The following VAV2 variants were observed in gnomAD, a reference collection of about 807,000 sequenced individuals.
The protein encoded by VAV2 is guanine nucleotide exchange factor VAV2.
Under a neutral mutation model 132.5 loss-of-function variants are expected in VAV2, and 67 were observed. The ratio of observed to expected loss-of-function variants is 0.51; its 90% CI spans 0.42 to 0.62. The LOEUF is 0.62. Ranked by LOEUF, VAV2 falls within the 20% of genes least tolerant of loss-of-function variation. The probability of loss-of-function intolerance (pLI) is 0.00; values close to 1 mark genes in which losing one functional copy is unlikely to be tolerated. For synonymous variants in VAV2, 492 were observed against 443.5 expected (o/e 1.11, Z -1.37); for missense variants, 938 against 1,153.6 (o/e 0.81, Z 2.71).
intron 3 of VAV2, 145 bp downstream of exon 3, chr9:133,861,229 G>C: frequency 6.5e-6 from 5 of 770,958 alleles, no homozygotes; most frequent in East Asian, 3.6e-5. Flanking sequence ...AGCCGCCAAC[G>C]GGTTACGCGA....
At chr9:133,780,190 C>T (rs1833959948) in intron 20 of VAV2, among the ~76,000 whole-genome samples, 1 of 152,244 alleles carries the variant, frequency 6.6e-6, no homozygotes, top group South Asian at 2.1e-4. Context: ...CGGGCCCCCA[C>T]CTCCTCCAGG....
chr9:133,830,865 T>TA (rs1328351410), intron 4 of VAV2, among the ~76,000 whole-genome samples: 1 of 151,928 alleles, frequency 6.6e-6, no homozygotes, highest in African/African-American at 2.4e-5. Context: ...AAAAACAACA[T>TA]AAAAAATTTA....
At chr9:133,933,229 G>A (rs1177517026) in intron 2 of VAV2, among the ~76,000 whole-genome samples, 3 of 152,232 alleles carry the variant, frequency 2.0e-5, no homozygotes, top group African/African-American at 7.2e-5. Context: ...AGGCCTCGGG[G>A]CCAAAGCTCC....
At chr9:133,971,405 G>A (rs568495700) in intron 1 of VAV2, among the ~76,000 whole-genome samples, 2 of 152,132 alleles carry the variant, frequency 1.3e-5, no homozygotes, top group Non-Finnish European at 2.9e-5. Context: ...CATGTTCTAC[G>A]CCAATGACTC....
At position 133,788,248 on chromosome 9, in the gene VAV2, T is replaced by A. The variant is rs1422873368; in HGVS notation, c.1407+106A>T. 14 of 473,416 alleles carry A rather than the reference T, an allele frequency of 3.0e-5. No individual in the cohort carries two copies. The highest frequency in any genetic ancestry group is 5.3e-5 in the Non-Finnish European group (13 of 244,098). 29.3% of individuals were successfully genotyped at this position (473,416 alleles called of 1,614,324 possible). The stretch of plus-strand genomic sequence containing the variant: ...CCCACCCCAACCCACCCGGCCAGCA[T>A]CAGCGGCTGACTTCGAGTCCCCTTC... On this transcript the variant is annotated intron_variant, in intron 15 of 29. Coordinates refer to ENST00000371850, the MANE Select transcript of VAV2 (RefSeq NM_001134398.2). This position sits in a 1 kb window ranked among gnomAD's most constrained non-coding sequence, Gnocchi z 5.3.
chr9:133,835,814 C>T (rs563920710), intron 3 of VAV2, among the ~76,000 whole-genome samples: 10 of 152,216 alleles, frequency 6.6e-5, no homozygotes, highest in Non-Finnish European at 1.0e-4. Context: ...AAACCTGGGT[C>T]CTACCTGGCT....
rs533602015 is a variant in VAV2 at position 133,802,649 on chromosome 9, T to C, written c.836+3432A>G. On this transcript the variant is annotated intron_variant, in intron 9 of 29. Coordinates refer to ENST00000371850, the MANE Select transcript of VAV2 (RefSeq NM_001134398.2). The surrounding 1 kb of genome is among the most constrained non-coding windows in gnomAD (Gnocchi z 5.8). ...CGTGGGTATTTGTGTGAGGATCATG[T>C]TTTTTAACTTTCTGAGTACGTCAAA... 2.0e-4 allele frequency among the ~76,000 whole-genome samples: 31 copies of C among 152,144 alleles called. No homozygotes were observed. The highest frequency in any genetic ancestry group is 4.0e-4 in the Non-Finnish European group (27 of 68,026).
chr9:133,790,846 G>A (rs539012575), intron 13 of VAV2, among the ~76,000 whole-genome samples: 1 of 152,244 alleles, frequency 6.6e-6, no homozygotes, highest in African/African-American at 2.4e-5. Context: ...CTGGCCATCG[G>A]GGACCTTCCC....
At position 133,813,347 on chromosome 9, in the gene VAV2, G is replaced by A. The variant is rs1307498339; in HGVS notation, c.450-1131C>T. 5.9e-5 allele frequency among the ~76,000 whole-genome samples: 9 copies of A among 152,358 alleles called. No homozygotes were observed. The South Asian group carries it at 1.2e-3, about 21-fold the overall frequency. On this transcript the variant is annotated intron_variant, in intron 4 of 29. Coordinates refer to ENST00000371850, the MANE Select transcript of VAV2 (RefSeq NM_001134398.2). ...GGCAGGGACAGAAGCCGGGGCAGGA[G>A]CAATCCCTGCGGTACTCAGGAACGG...
intron 2 of VAV2, among the ~76,000 whole-genome samples, chr9:133,897,012 T>C (rs914488229): frequency 4.6e-5 from 7 of 151,980 alleles, no homozygotes; most frequent in Non-Finnish European, 1.0e-4. Context: ...GAGAATGGTG[T>C]GAACCCGGGA....
At chr9:133,906,034 G>A (rs1277827633) in intron 2 of VAV2, among the ~76,000 whole-genome samples, 1 of 152,084 alleles carries the variant, frequency 6.6e-6, no homozygotes, top group Admixed American at 6.5e-5. Context: ...GTGAGACCCT[G>A]TCTCAAAATA....
chr9:133,844,126 G>C (rs567425774), intron 3 of VAV2, among the ~76,000 whole-genome samples: 1 of 152,328 alleles, frequency 6.6e-6, no homozygotes, highest in East Asian at 1.9e-4. Context: ...AGAAATGCTC[G>C]GTCCCCTGCC....
chr9:133,772,974 A>G (rs375703992), intron 25 of VAV2, among the ~76,000 whole-genome samples: 11 of 65,512 alleles, frequency 1.7e-4, no homozygotes, highest in Non-Finnish European at 2.3e-4. Flanking sequence ...ACGCCCCACA[A>G]CTAGGCTGGA....
At chr9:133,929,396 G>A (rs1840595961) in intron 2 of VAV2, among the ~76,000 whole-genome samples, 1 of 152,312 alleles carries the variant, frequency 6.6e-6, no homozygotes, top group African/African-American at 2.4e-5. Flanking sequence ...CCTGGTGACT[G>A]CCAGGTGCTA....
At chr9:133,781,390 T>C (rs1369473473) in intron 19 of VAV2, among the ~76,000 whole-genome samples, 1 of 152,068 alleles carries the variant, frequency 6.6e-6, no homozygotes, top group Non-Finnish European at 1.5e-5. Flanking sequence ...TGACGTGACC[T>C]CCACACCACC....
intron 2 of VAV2, among the ~76,000 whole-genome samples, chr9:133,927,233 C>T (rs1033913356): frequency 6.6e-6 from 1 of 152,136 alleles, no homozygotes; most frequent in African/African-American, 2.4e-5. Context: ...GCACATGTAC[C>T]CATGCTCTCA....
chr9:133,985,829 C>G (rs1312059885), intron 1 of VAV2, among the ~76,000 whole-genome samples: 2 of 152,052 alleles, frequency 1.3e-5, no homozygotes, highest in Non-Finnish European at 2.9e-5. Context: ...ACTGGTCAAA[C>G]CTGAGACTAT....
At position 133,799,678 on chromosome 9, in the gene VAV2, C is replaced by T. The variant is rs551453412; in HGVS notation, c.837-1869G>A. Among the ~76,000 whole-genome samples the T allele has an allele frequency of 2.0e-5, 3 of 152,242 alleles. No homozygotes were observed. In the East Asian group the frequency reaches 5.8e-4, roughly 29 times the overall value. ...TAAATGGGAACCTGCCCCCTGGTTA[C>T]CACCTAAATGAGTCTGTTATTACAC... On this transcript the variant is annotated intron_variant, in intron 9 of 29. Transcript: ENST00000371850.
rs1371356740 is a variant in VAV2 at position 133,961,977 on chromosome 9, TC to T, written c.205-22759del. On this transcript the variant is annotated intron_variant, in intron 1 of 29. Coordinates refer to ENST00000371850, the MANE Select transcript of VAV2 (RefSeq NM_001134398.2). The surrounding 1 kb of genome is among the most constrained non-coding windows in gnomAD (Gnocchi z 4.1). ...CCCCCATGCCGGGTGCTGGGGACCCTCTTCCTGAATGGTCCTCAGCCACCAC... is the reference window on the plus strand; with the variant it reads ...CCCCCATGCCGGGTGCTGGGGACCCTTTCCTGAATGGTCCTCAGCCACCAC... Among the ~76,000 whole-genome samples the T allele has an allele frequency of 6.6e-6, 1 of 152,062 alleles. No individual in the cohort carries two copies. The highest frequency in any genetic ancestry group is 1.5e-5 in the Non-Finnish European group (1 of 68,000).
Sources: allele counts gnomAD v4.1 joint callset (sites outside exome capture counted in the v4.1 genomes callset), GRCh38; gene constraint gnomAD v4.1.1; non-coding constraint Gnocchi (gnomAD v3.1); transcripts MANE v1.5; gene names NCBI Gene and HGNC (gene_info 2026-07-23, HGNC 2026-07-21).